TDRD3: variants seen among roughly 807,000 people sequenced by gnomAD.
TDRD3 encodes tudor domain-containing protein 3.
Under a neutral mutation model 86.7 loss-of-function variants are expected in TDRD3, and 45 were observed. That is an observed-to-expected ratio of 0.52 (90% CI 0.41 to 0.67). The LOEUF is 0.67. TDRD3 is among the 30% of genes least tolerant of loss of function. The probability of loss-of-function intolerance (pLI) is 0.00; values close to 1 mark genes in which losing one functional copy is unlikely to be tolerated. For missense variants in TDRD3, 814 were observed against 889.0 expected (o/e 0.92, Z 1.07); for synonymous variants, 298 against 301.7 (o/e 0.99, Z 0.13).
intron 10 of TDRD3, among the ~76,000 whole-genome samples, chr13:60,527,411 G>A (rs1373142738): frequency 6.6e-6 from 1 of 152,124 alleles, no homozygotes; most frequent in Non-Finnish European, 1.5e-5. Context: ...TGTCAGTGGA[G>A]GCCCTCTTTG....
At chr13:60,485,372 A>G (rs1039569282) in intron 6 of TDRD3, among the ~76,000 whole-genome samples, 1 of 152,002 alleles carries the variant, frequency 6.6e-6, no homozygotes, top group Non-Finnish European at 1.5e-5. Context: ...ATCTTTTTAT[A>G]TGTTAATATA....
chr13:60,494,442 C>T lies in TDRD3; in HGVS notation c.725C>T (p.Thr242Ile). Residue 242 changes from threonine (T) to isoleucine (I), a missense_variant, in exon 8 of 14, where the codon ACA becomes ATA. Transcript: ENST00000377881. Reference protein sequence around the residue: ...AEVAKSKETKTFGGGGGGARS... With the variant: ...AEVAKSKETKIFGGGGGGARS... ...TCTTTCTCTTATGTAAAGACCAAGA[C>T]ATTTGGAGGAGGTGGTGGTGGTGCT... is the stretch of plus-strand genomic sequence containing the variant. 6.2e-7 allele frequency: 1 copy of T among 1,612,778 alleles called. No homozygotes were observed.
Position 60,528,586 on chromosome 13 carries a change from C to A in TDRD3, c.1361C>A (p.Pro454Gln), listed in dbSNP as rs531066117. Residue 454 changes from proline to glutamine, a missense_variant, in exon 11 of 14, where the codon CCA (proline) becomes CAA (glutamine). Physicochemically the swap from Pro to Gln is moderately conservative, Grantham distance 76. Coordinates refer to ENST00000377881, the MANE Select transcript of TDRD3 (RefSeq NM_001146070.2). The stretch of plus-strand genomic sequence containing the variant: ...CCTAGAAATAGAGGTTCTGAAAGAC[C>A]AAGTACTTCTTCAGTATCTGAAGTA... ...GLPRNRGSER[P>Q]STSSVSEVWA... 11 of 1,613,924 alleles carry A rather than the reference C, an allele frequency of 6.8e-6. No homozygotes were observed. The African/African-American group carries it at 8.0e-5, about 12-fold the overall frequency.
intron 1 of TDRD3, among the ~76,000 whole-genome samples, chr13:60,439,469 A>G (rs774965261): frequency 8.5e-5 from 13 of 152,154 alleles, no homozygotes; most frequent in Non-Finnish European, 1.8e-4. Context: ...GAATAATCCT[A>G]TTGACACAAT....
intron 12 of TDRD3, chr13:60,547,590 T>A: frequency 5.9e-6 from 1 of 168,408 alleles, no homozygotes; most frequent in Non-Finnish European, 1.2e-5. Context: ...CCAAGAGCTA[T>A]AGAAATATAA....
intron 13 of TDRD3, among the ~76,000 whole-genome samples, chr13:60,569,966 A>T (rs1029004693): frequency 1.3e-5 from 2 of 152,254 alleles, no homozygotes; most frequent in African/African-American, 4.8e-5. Flanking sequence ...ACACTCGTAG[A>T]TGACAACACT....
chr13:60,485,967 A>T lies in TDRD3; in HGVS notation c.717+19A>T, dbSNP rs1956426291. The T allele has an allele frequency of 6.3e-7, 1 of 1,587,154 alleles. No individual in the cohort carries two copies. The highest frequency in any genetic ancestry group is 1.8e-5 in the Admixed American group (1 of 55,484). On this transcript the variant is annotated intron_variant, in intron 7 of 13. Coordinates refer to ENST00000377881, the MANE Select transcript of TDRD3 (RefSeq NM_001146070.2). ...CAAGGAAGTAAGAAATCAAATCATT[A>T]CACGTTTTATTTCTTATCATTATGT...
At chr13:60,448,219 G>GT (rs1408625202) in intron 3 of TDRD3, among the ~76,000 whole-genome samples, 3 of 152,102 alleles carry the variant, frequency 2.0e-5, no homozygotes, top group Non-Finnish European at 2.9e-5. Context: ...AAGAAAGATT[G>GT]TAAGTCTGCA....
intron 1 of TDRD3, among the ~76,000 whole-genome samples, chr13:60,405,105 G>A (rs1954202875): frequency 1.3e-5 from 2 of 152,104 alleles, no homozygotes; most frequent in Non-Finnish European, 2.9e-5. Flanking sequence ...TTTGTAAATT[G>A]CCCGGTCTCA....
At chr13:60,468,851 A>T (rs1349107334) in intron 5 of TDRD3, among the ~76,000 whole-genome samples, 1 of 152,210 alleles carries the variant, frequency 6.6e-6, no homozygotes, top group Non-Finnish European at 1.5e-5. Flanking sequence ...GAACAAATGA[A>T]TAGCAAAACT....
At chr13:60,434,272 C>A (rs1217600979) in intron 1 of TDRD3, among the ~76,000 whole-genome samples, 1 of 151,920 alleles carries the variant, frequency 6.6e-6, no homozygotes, top group African/African-American at 2.4e-5. Context: ...GAGTTGGAGA[C>A]CAGCCTCTGC....
chr13:60,543,792 T>TG (rs1371938946), intron 12 of TDRD3, among the ~76,000 whole-genome samples: 1 of 152,110 alleles, frequency 6.6e-6, no homozygotes, highest in Non-Finnish European at 1.5e-5. Context: ...TTTAAGTACT[T>TG]GTGTCATTAG....
intron 1 of TDRD3, among the ~76,000 whole-genome samples, chr13:60,436,052 T>C (rs1337294233): frequency 1.3e-5 from 2 of 151,748 alleles, no homozygotes; most frequent in Non-Finnish European, 2.9e-5. Context: ...GCTGTTTTTA[T>C]ATATCTTCTT....
intron 10 of TDRD3, among the ~76,000 whole-genome samples, chr13:60,516,766 T>A (rs990962515): frequency 3.3e-5 from 5 of 152,214 alleles, no homozygotes; most frequent in African/African-American, 1.2e-4. Flanking sequence ...CATCCTCCAC[T>A]CACCATGTAT....
intron 10 of TDRD3, among the ~76,000 whole-genome samples, chr13:60,515,562 A>T (rs1957150104): frequency 6.6e-6 from 1 of 152,218 alleles, no homozygotes; most frequent in Admixed American, 6.5e-5. Context: ...AATGAAGATA[A>T]CAGGATTGAT....
chr13:60,547,066 G>A (rs887585999), intron 12 of TDRD3, among the ~76,000 whole-genome samples: 5 of 152,078 alleles, frequency 3.3e-5, no homozygotes, highest in African/African-American at 1.2e-4. Flanking sequence ...GACAGAAACT[G>A]CTAAGCAAAA....
intron 12 of TDRD3, chr13:60,535,674 A>G (rs1566283303): frequency 6.5e-6 from 1 of 153,964 alleles, no homozygotes; most frequent in Non-Finnish European, 1.4e-5. Flanking sequence ...GTTATATACA[A>G]TTTTACACTG....
chr13:60,432,243 A>G (rs1954972090), intron 1 of TDRD3, among the ~76,000 whole-genome samples: 1 of 152,046 alleles, frequency 6.6e-6, no homozygotes, highest in East Asian at 1.9e-4. Context: ...CATTCAACTA[A>G]CTGCTGGTGT....
intron 5 of TDRD3, among the ~76,000 whole-genome samples, chr13:60,468,838 G>A (rs1489512312): frequency 6.6e-6 from 1 of 152,126 alleles, no homozygotes; most frequent in Non-Finnish European, 1.5e-5. Context: ...AAAAATATTT[G>A]TGGAACAAAT....
Sources: allele counts gnomAD v4.1 joint callset (sites outside exome capture counted in the v4.1 genomes callset), GRCh38; gene constraint gnomAD v4.1.1; transcripts MANE v1.5; gene names NCBI Gene and HGNC (gene_info 2026-07-23, HGNC 2026-07-21).